Variants in SERPINB7 observed in about 807,000 individuals in gnomAD.
The protein encoded by SERPINB7 is serpin family B member 7.
SERPINB7 carries 31 observed loss-of-function variants against 37.4 expected under a neutral mutation model. That is an observed-to-expected ratio of 0.83 (90% CI 0.62 to 1.12). The LOEUF is 1.12. SERPINB7 is among the 50% of genes most tolerant of loss of function. The pLI is 0.00. For synonymous variants in SERPINB7, 163 were observed against 166.1 expected (o/e 0.98, Z 0.14); for missense variants, 521 against 455.3 (o/e 1.14, Z -1.31).
chr18:63,788,620 C>A (rs148876528), intron 2 of SERPINB7, among the ~76,000 whole-genome samples: 1 of 152,304 alleles, frequency 6.6e-6, no homozygotes, highest in East Asian at 1.9e-4. Context: ...TGTACAGTAA[C>A]ATCCTAGGCC....
intron 1 of SERPINB7, among the ~76,000 whole-genome samples, chr18:63,754,157 A>G (rs1351280506): frequency 6.6e-6 from 1 of 152,244 alleles, no homozygotes; most frequent in Non-Finnish European, 1.5e-5. Flanking sequence ...AATAAATAAA[A>G]TCGCATTGAT....
chr18:63,791,801 G>A (rs544694398), intron 2 of SERPINB7, among the ~76,000 whole-genome samples: 2 of 151,942 alleles, frequency 1.3e-5, no homozygotes, highest in Non-Finnish European at 2.9e-5. Flanking sequence ...TAGTAGAGAC[G>A]GGTTTTCACC....
intron 2 of SERPINB7, among the ~76,000 whole-genome samples, chr18:63,789,473 C>G (rs1174279193): frequency 6.6e-6 from 1 of 152,094 alleles, no homozygotes; most frequent in Non-Finnish European, 1.5e-5. Flanking sequence ...ATAAATAATT[C>G]CATGGAGTGG....
At chr18:63,795,910 A>G (rs2049482762) in intron 4 of SERPINB7, among the ~76,000 whole-genome samples, 1 of 152,164 alleles carries the variant, frequency 6.6e-6, no homozygotes, top group South Asian at 2.1e-4. Context: ...GCCTTGAAAA[A>G]TTTGCAGCAG....
chr18:63,760,052 T>A (rs1421937722), intron 1 of SERPINB7, among the ~76,000 whole-genome samples: 1 of 151,574 alleles, frequency 6.6e-6, no homozygotes, highest in South Asian at 2.1e-4. Flanking sequence ...CAGGCAGAGG[T>A]TGGAATAGTT....
chr18:63,758,465 C>T (rs1210916987), intron 1 of SERPINB7, among the ~76,000 whole-genome samples: 3 of 152,122 alleles, frequency 2.0e-5, no homozygotes, highest in Non-Finnish European at 4.4e-5. Flanking sequence ...CTCTCTGATT[C>T]GCTGAAGCAC....
intron 5 of SERPINB7, among the ~76,000 whole-genome samples, chr18:63,798,258 G>A (rs1006193795): frequency 6.6e-6 from 1 of 152,144 alleles, no homozygotes; most frequent in South Asian, 2.1e-4. Context: ...AAGGCACTTT[G>A]GTACCTATGA....
rs139542928 is a variant in SERPINB7, at chr18:63,804,435, C to G, written c.943C>G (p.Arg315Gly). ...ADLSGIASGG[R>G]LYISRMMHKS... ...TCTCTCTGGGATTGCTTCGGGGGGTCGTCTGTATATATCAAGGATGATGCA... is the reference window on the plus strand; with the variant it reads ...TCTCTCTGGGATTGCTTCGGGGGGTGGTCTGTATATATCAAGGATGATGCA... The change falls in exon 8 of 8, where the codon CGT becomes GGT. Residue 315 changes from arginine to glycine, a missense_variant. By Grantham distance (125) the Arg-to-Gly change is moderately radical (BLOSUM62 -2). Coordinates refer to ENST00000398019, the MANE Select transcript of SERPINB7 (RefSeq NM_003784.4). The G allele has an allele frequency of 1.2e-6, 2 of 1,613,572 alleles. No individual in the cohort carries two copies. Among genetic ancestry groups the G allele is most frequent in the South Asian group, 2.2e-5 (2 of 91,068 alleles).
intron 1 of SERPINB7, among the ~76,000 whole-genome samples, chr18:63,769,619 G>A (rs1490278902): frequency 1.3e-5 from 2 of 152,080 alleles, no homozygotes; most frequent in Non-Finnish European, 2.9e-5. Context: ...TGGTTTTAAT[G>A]ATAATTGGTG....
intron 7 of SERPINB7, 24 bp from the exon 8 acceptor site, chr18:63,804,213 A>G: frequency 6.7e-7 from 1 of 1,494,722 alleles, no homozygotes; most frequent in Non-Finnish European, 9.0e-7. Flanking sequence ...ATGATTCTAA[A>G]TTATCTCTGA....
At chr18:63,770,842 CCTTA>C (rs1320002851), upstream of SERPINB7, among the ~76,000 whole-genome samples, 1 of 149,630 alleles carries the variant, frequency 6.7e-6, no homozygotes, top group Non-Finnish European at 1.5e-5. Context: ...TCTTTTACAA[CCTTA>C]CTTTATTTTA....
chr18:63,785,772 T>C (rs1452712025), intron 2 of SERPINB7, among the ~76,000 whole-genome samples: 2 of 151,290 alleles, frequency 1.3e-5, no homozygotes, highest in East Asian at 1.9e-4. Flanking sequence ...GATCTAATAA[T>C]GCTGTTCTTT....
intron 2 of SERPINB7, among the ~76,000 whole-genome samples, chr18:63,787,656 AAAAACAAAAC>A (rs539691767): frequency 2.0e-5 from 3 of 152,182 alleles, no homozygotes; most frequent in Non-Finnish European, 2.9e-5. Context: ...TAGGACTATT[AAAAACAAAAC>A]AAAACAAAAC....
intron 1 of SERPINB7, among the ~76,000 whole-genome samples, chr18:63,765,440 G>A (rs2049175638): frequency 6.6e-6 from 1 of 151,972 alleles, no homozygotes; most frequent in Non-Finnish European, 1.5e-5. Flanking sequence ...TTCCACTCTT[G>A]TCCATCTCTG....
At chr18:63,760,775 T>G (rs2049149057) in intron 1 of SERPINB7, among the ~76,000 whole-genome samples, 1 of 152,170 alleles carries the variant, frequency 6.6e-6, no homozygotes, top group African/African-American at 2.4e-5. Context: ...GCAGCTTCCA[T>G]GTGGTGTTGA....
intron 1 of SERPINB7, among the ~76,000 whole-genome samples, chr18:63,758,611 T>C (rs1409306763): frequency 6.6e-6 from 1 of 152,166 alleles, no homozygotes; most frequent in African/African-American, 2.4e-5. Context: ...GGGATATTTT[T>C]TATAATAAGA....
At chr18:63,768,393 T>C (rs1382453160) in intron 1 of SERPINB7, among the ~76,000 whole-genome samples, 1 of 152,080 alleles carries the variant, frequency 6.6e-6, no homozygotes, top group Non-Finnish European at 1.5e-5. Flanking sequence ...CATTCCACTA[T>C]ACATGTATAA....
At chr18:63,784,292 C>G (rs987449050) in intron 2 of SERPINB7, among the ~76,000 whole-genome samples, 1 of 152,100 alleles carries the variant, frequency 6.6e-6, no homozygotes, top group African/African-American at 2.4e-5. Context: ...TTGTGAGGGG[C>G]TGTCCTATGC....
chr18:63,796,397 T>C lies in SERPINB7; in HGVS notation c.454+14T>C. On this transcript the variant is annotated intron_variant, in intron 5 of 7. Coordinates refer to ENST00000398019, the MANE Select transcript of SERPINB7 (RefSeq NM_003784.4). The stretch of plus-strand genomic sequence containing the variant: ...ATGAAACACATGGTGAGTATTGAAA[T>C]ACCCTATTTTTCTACAAGATTTGTC... 1 of 1,365,358 alleles carries C rather than the reference T, an allele frequency of 7.3e-7. No homozygotes were observed. The highest frequency in any genetic ancestry group is 1.0e-6 in the Non-Finnish European group (1 of 956,122). The allele number at this position is 1,365,358 out of a possible 1,614,324, so 84.6% of individuals were successfully genotyped here. A position where few individuals can be genotyped will look rare whatever the true frequency, so the allele number is the denominator to read the frequency against.
Sources: gnomAD v4.1 joint callset for allele counts (sites outside exome capture counted in the v4.1 genomes callset) on GRCh38, gnomAD v4.1.1 for gene constraint, MANE v1.5 for transcripts, NCBI Gene and HGNC (gene_info 2026-07-23, HGNC 2026-07-21) for gene names.